Variants in GAB2 observed in about 807,000 individuals in gnomAD.
GAB2 encodes the protein GRB2-associated-binding protein 2.
In GAB2, 26 loss-of-function variants were observed where a neutral mutation model predicts 65.5. The ratio of observed to expected loss-of-function variants is 0.40; its 90% CI spans 0.29 to 0.55. The LOEUF is 0.55. Among genes scored for constraint, GAB2 ranks in the 20% least tolerant of loss-of-function variants. GAB2 has a pLI of 0.53. For missense variants in GAB2, 884 were observed against 875.8 expected (o/e 1.01, Z -0.12); for synonymous variants, 321 against 329.6 (o/e 0.97, Z 0.28).
intron 2 of GAB2, among the ~76,000 whole-genome samples, chr11:78,272,460 A>G (rs1271999197): frequency 6.6e-6 from 1 of 152,208 alleles, no homozygotes; most frequent in Non-Finnish European, 1.5e-5. Context: ...AGAGGCTGGA[A>G]GCATTTTACC....
intron 3 of GAB2, among the ~76,000 whole-genome samples, chr11:78,244,163 G>A (rs545783262): frequency 1.2e-4 from 18 of 152,190 alleles, no homozygotes; most frequent in African/African-American, 4.3e-4. Flanking sequence ...GATTCAAGAT[G>A]GGCAGATTCC....
intron 1 of GAB2, 117 bp downstream of exon 1, chr11:78,417,529 C>G (rs1057408513): frequency 8.1e-6 from 3 of 369,540 alleles, no homozygotes; most frequent in Non-Finnish European, 1.2e-5. Context: ...TCGCCCCCGG[C>G]CCCCCGCGGC....
At chr11:78,397,102 T>C (rs990894322) in intron 1 of GAB2, among the ~76,000 whole-genome samples, 2 of 152,248 alleles carry the variant, frequency 1.3e-5, no homozygotes, top group Admixed American at 1.3e-4. Flanking sequence ...AATTACTTTA[T>C]TGTGAATAAA....
At chr11:78,374,231 T>TA (rs1189018682) in intron 1 of GAB2, among the ~76,000 whole-genome samples, 2 of 152,228 alleles carry the variant, frequency 1.3e-5, no homozygotes, top group Non-Finnish European at 2.9e-5. Context: ...TACAGTTGAC[T>TA]ACTGTGTGTG....
chr11:78,231,335 T>G (rs951209859), intron 3 of GAB2, among the ~76,000 whole-genome samples: 4 of 89,668 alleles, frequency 4.5e-5, no homozygotes, highest in Admixed American at 1.1e-4. Flanking sequence ...CGCGCGTGTG[T>G]GGTGTGTGTG....
Position 78,285,504 on chromosome 11 carries a change from G to A in GAB2, c.76-4603C>T, listed in dbSNP as rs1339507739. 3.9e-5 allele frequency among the ~76,000 whole-genome samples: 6 copies of A among 152,058 alleles called. No individual in the cohort carries two copies. The East Asian group carries it at 1.2e-3, about 29-fold the overall frequency. On this transcript the variant is annotated intron_variant, in intron 1 of 9. Transcript: ENST00000361507. ...TTATTTATTTATATATATTTTTAGA[G>A]TACCCAGGCTGGTGTGCAGTGGCAT...
chr11:78,303,112 G>T (rs1420464474), intron 1 of GAB2, among the ~76,000 whole-genome samples: 1 of 152,160 alleles, frequency 6.6e-6, no homozygotes, highest in African/African-American at 2.4e-5. Flanking sequence ...CTCGGGTGAT[G>T]AGTGCACCAA....
Position 78,222,210 on chromosome 11 carries a change from G to A in GAB2, c.1568-15C>T. On this transcript the variant is annotated splice_polypyrimidine_tract_variant and intron_variant, in intron 6 of 9. Transcript: ENST00000361507. ...TGTTGGCTTTGCTGGAGCAGGAAAA[G>A]AAAGTCTGGTAATCAGCCAGTAATG... is the stretch of plus-strand genomic sequence containing the variant. 1 of 1,580,322 alleles carries A rather than the reference G, an allele frequency of 6.3e-7. No individual in the cohort carries two copies. The highest frequency in any genetic ancestry group is 8.7e-7 in the Non-Finnish European group (1 of 1,149,196).
In GAB2 at chr11:78,286,584, A is replaced by AT. The variant is rs545937814; in HGVS notation, c.76-5684dup. ...ATAGGAGCTCAGGGAAGATCTGTTG[A>AT]TTTTTTTTCATTCCATGAATATGTT... On this transcript the variant is annotated intron_variant, in intron 1 of 9. Coordinates refer to ENST00000361507, the MANE Select transcript of GAB2 (RefSeq NM_080491.3). 3.5e-4 allele frequency among the ~76,000 whole-genome samples: 53 copies of AT among 151,868 alleles called. No individual in the cohort carries two copies. In the East Asian group the frequency reaches 9.5e-3, roughly 27 times the overall value.
intron 3 of GAB2, among the ~76,000 whole-genome samples, chr11:78,247,821 C>G (rs1477081920): frequency 1.3e-5 from 2 of 152,200 alleles, no homozygotes; most frequent in African/African-American, 4.8e-5. Context: ...TTCCTTCCTA[C>G]CCTCCCAACT....
chr11:78,405,972 C>A (rs1857038893), intron 1 of GAB2, among the ~76,000 whole-genome samples: 1 of 152,190 alleles, frequency 6.6e-6, no homozygotes, highest in South Asian at 2.1e-4. Context: ...AACTGTGGTC[C>A]AACCCTCACC....
chr11:78,295,351 T>C (rs1866797322), intron 1 of GAB2, among the ~76,000 whole-genome samples: 1 of 152,196 alleles, frequency 6.6e-6, no homozygotes, highest in African/African-American at 2.4e-5. Context: ...CCGAACCAGT[T>C]TGCTACCACC....
intron 1 of GAB2, among the ~76,000 whole-genome samples, chr11:78,307,337 G>A (rs1272276856): frequency 6.6e-6 from 1 of 151,958 alleles, no homozygotes; most frequent in Non-Finnish European, 1.5e-5. Context: ...AAAATTTAAG[G>A]TAAGCCTGAA....
intron 2 of GAB2, among the ~76,000 whole-genome samples, chr11:78,267,296 A>T (rs1448304917): frequency 6.6e-6 from 1 of 152,206 alleles, no homozygotes; most frequent in African/African-American, 2.4e-5. Context: ...ACTTAATGGT[A>T]GAGTTCAGAG....
intron 1 of GAB2, among the ~76,000 whole-genome samples, chr11:78,411,465 T>C (rs1374893451): frequency 6.6e-6 from 1 of 152,132 alleles, no homozygotes; most frequent in African/African-American, 2.4e-5. Context: ...ACAATATAGC[T>C]AGAGTTGGCA....
chr11:78,240,263 G>T (rs1865091363), intron 3 of GAB2, among the ~76,000 whole-genome samples: 1 of 152,010 alleles, frequency 6.6e-6, no homozygotes, highest in Admixed American at 6.5e-5. Context: ...AGGATGCCTG[G>T]GCTACTCAGA....
At chr11:78,401,114 T>TAAAA in intron 1 of GAB2, among the ~76,000 whole-genome samples, 1 of 145,270 alleles carries the variant, frequency 6.9e-6, no homozygotes, top group African/African-American at 2.5e-5. Flanking sequence ...AAGTGAGGTT[T>TAAAA]AAAAAAAAAA....
intron 1 of GAB2, among the ~76,000 whole-genome samples, chr11:78,384,858 C>A (rs1471224096): frequency 1.3e-5 from 2 of 152,172 alleles, no homozygotes; most frequent in East Asian, 3.8e-4. Flanking sequence ...ACAAAAGCAC[C>A]AAAGACTGGA....
intron 2 of GAB2, among the ~76,000 whole-genome samples, chr11:78,269,759 T>G (rs1357032509): frequency 1.3e-5 from 2 of 152,232 alleles, no homozygotes; most frequent in Non-Finnish European, 2.9e-5. Context: ...CTCACTAAAA[T>G]TTTAGTAGAG....
Sources: allele counts gnomAD v4.1 joint callset (sites outside exome capture counted in the v4.1 genomes callset), GRCh38; gene constraint gnomAD v4.1.1; transcripts MANE v1.5; gene names NCBI Gene and HGNC (gene_info 2026-07-23, HGNC 2026-07-21).